MCF2: variants seen among roughly 807,000 people sequenced by gnomAD.
MCF2 encodes proto-oncogene DBL.
In MCF2, 44 loss-of-function variants were observed where a neutral mutation model predicts 82.5. The observed-to-expected ratio is 0.53, with a 90% CI of 0.42 to 0.69. The LOEUF is 0.69. Ranked by LOEUF, MCF2 falls within the 30% of genes least tolerant of loss-of-function variation. MCF2 has a pLI of 0.00. For synonymous variants in MCF2, 217 were observed against 224.9 expected, an observed-to-expected ratio of 0.96 and a Z score of 0.32; for missense variants, 623 against 663.1, an observed-to-expected ratio of 0.94 and a Z score of 0.66.
chrX:139,629,327 A>G (rs1387468677), intron 4 of MCF2, among the ~76,000 whole-genome samples: 1 of 112,232 alleles, frequency 8.9e-6, no homozygotes, highest in Non-Finnish European at 1.9e-5. Context: ...GAAAAGGTAC[A>G]GTAAAAATAT....
chrX:139,677,528 G>A (rs188538812), intron 1 of MCF2, among the ~76,000 whole-genome samples: 5 of 111,786 alleles, frequency 4.5e-5, no homozygotes, highest in African/African-American at 9.7e-5. Flanking sequence ...ATACGCCACA[G>A]GTAACATGCT....
intron 6 of MCF2, among the ~76,000 whole-genome samples, chrX:139,624,983 T>C (rs904491249): frequency 9.0e-6 from 1 of 111,469 alleles, no homozygotes; most frequent in Non-Finnish European, 1.9e-5. Flanking sequence ...TAAAATATTG[T>C]CATTAAGTTA....
At chrX:139,702,463 T>C (rs978660412) in intron 1 of MCF2, 5 of 111,742 alleles carry the variant, frequency 4.5e-5, no homozygotes, top group African/African-American at 1.6e-4. Context: ...GTTGAAGAGA[T>C]GATATATGGA....
intron 1 of MCF2, among the ~76,000 whole-genome samples, chrX:139,632,697 G>T (rs774065108): frequency 9.0e-6 from 1 of 111,429 alleles, no homozygotes; most frequent in East Asian, 2.8e-4. Context: ...CACTAAAGAA[G>T]TAGATCCAAC....
At chrX:139,626,828 T>C in intron 4 of MCF2, 72 bp from the exon 8 acceptor site, 1 of 915,834 alleles carries the variant, frequency 1.1e-6, no homozygotes, top group South Asian at 2.4e-5. Flanking sequence ...GAAGGGAGCA[T>C]ACAACTATGG....
At chrX:139,589,363 T>C (rs768235860) in intron 20 of MCF2, among the ~76,000 whole-genome samples, 1 of 112,213 alleles carries the variant, frequency 8.9e-6, no homozygotes, top group East Asian at 2.8e-4. Flanking sequence ...CCTCTTGAAA[T>C]GTTCTGATTC....
At chrX:139,585,005 C>A in intron 24 of MCF2, 61 bp downstream of exon 28, 1 of 792,849 alleles carries the variant, frequency 1.3e-6, no homozygotes, top group South Asian at 2.7e-5. Context: ...CCTATGTGCT[C>A]CACCTATATT....
intron 1 of MCF2, among the ~76,000 whole-genome samples, chrX:139,704,456 A>T (rs1006248694): frequency 8.9e-6 from 1 of 112,082 alleles, no homozygotes; most frequent in African/African-American, 3.2e-5. Context: ...TAATGTACAA[A>T]AATCAGTACC....
chrX:139,675,827 C>T (rs750643465), intron 1 of MCF2, among the ~76,000 whole-genome samples: 1 of 112,462 alleles, frequency 8.9e-6, no homozygotes, highest in South Asian at 3.7e-4. Context: ...GCTCAAACAC[C>T]ATGCTGGGAG....
intron 1 of MCF2, among the ~76,000 whole-genome samples, chrX:139,678,353 C>G (rs999304955): frequency 3.6e-5 from 4 of 111,416 alleles, no homozygotes; most frequent in Non-Finnish European, 5.6e-5. Flanking sequence ...AAATCTTACA[C>G]TGTTGGGAAT....
chrX:139,593,928 A>G (rs181398258), intron 19 of MCF2, among the ~76,000 whole-genome samples: 2,691 of 110,975 alleles, frequency 0.024, 39 homozygotes, highest in East Asian at 0.081. Flanking sequence ...TTATACACCA[A>G]TAACAGACAA....
chrX:139,587,891 A>G (rs1929127794), intron 21 of MCF2, 103 bp from the exon 26 acceptor site: 1 of 465,183 alleles, frequency 2.1e-6, no homozygotes, highest in Non-Finnish European at 3.7e-6. Context: ...ACACACACAC[A>G]CGCATCCTTG....
chrX:139,644,273 T>C (rs1288314599), upstream of MCF2, among the ~76,000 whole-genome samples: 1 of 112,422 alleles, frequency 8.9e-6, no homozygotes, highest in Admixed American at 9.4e-5. Flanking sequence ...CTTGGCTATT[T>C]GAGCTTGGAT....
At chrX:139,658,304 T>C (rs1336104034) in intron 1 of MCF2, among the ~76,000 whole-genome samples, 1 of 108,762 alleles carries the variant, frequency 9.2e-6, no homozygotes, top group East Asian at 2.9e-4. Flanking sequence ...GTGAATATTG[T>C]TCCTTCAGTA....
At chrX:139,628,225 G>A (rs1033722881) in intron 4 of MCF2, among the ~76,000 whole-genome samples, 1 of 111,572 alleles carries the variant, frequency 9.0e-6, no homozygotes, top group African/African-American at 3.3e-5. Flanking sequence ...AATCAACCTA[G>A]GTGCCCATCA....
intron 1 of MCF2, among the ~76,000 whole-genome samples, chrX:139,683,722 A>G (rs1935056873): frequency 3.6e-5 from 4 of 111,955 alleles, no homozygotes; most frequent in Admixed American, 2.9e-4. Context: ...AGACATTTCA[A>G]CGGGGAAAGG....
intron 19 of MCF2, among the ~76,000 whole-genome samples, chrX:139,590,433 G>T: frequency 9.2e-6 from 1 of 109,218 alleles, no homozygotes; most frequent in Non-Finnish European, 1.9e-5. Flanking sequence ...GGTACACAAG[G>T]ATCTCTCTAT....
intron 1 of MCF2, among the ~76,000 whole-genome samples, chrX:139,687,743 G>A (rs951557161): frequency 4.5e-5 from 5 of 112,167 alleles, no homozygotes; most frequent in African/African-American, 1.6e-4. Context: ...ATTATGCCTC[G>A]ATTAGCAGGA....
intron 24 of MCF2, among the ~76,000 whole-genome samples, chrX:139,584,835 ACTAT>A (rs923620222): frequency 8.9e-6 from 1 of 111,887 alleles, no homozygotes; most frequent in African/African-American, 3.2e-5. Flanking sequence ...GGAAAGATTG[ACTAT>A]CTATTTCATC....
Sources: allele counts gnomAD v4.1 joint callset (sites outside exome capture counted in the v4.1 genomes callset), GRCh38; gene constraint gnomAD v4.1.1; transcripts MANE v1.5; gene names NCBI Gene and HGNC (gene_info 2026-07-23, HGNC 2026-07-21).